Variants in GNAL observed in about 807,000 individuals in gnomAD.
GNAL encodes the protein G protein subunit alpha L.
In GNAL, 18 loss-of-function variants were observed where a neutral mutation model predicts 55.1. The observed-to-expected ratio is 0.33, with a 90% CI of 0.23 to 0.48. The LOEUF is 0.48. GNAL is among the 20% of genes least tolerant of loss of function. GNAL has a pLI of 0.99. For missense variants in GNAL, 412 were observed against 614.1 expected, an observed-to-expected ratio of 0.67 and a Z score of 3.48; for synonymous variants, 253 against 237.0, an observed-to-expected ratio of 1.07 and a Z score of -0.62.
intron 1 of GNAL, among the ~76,000 whole-genome samples, chr18:11,749,681 C>T (rs763693307): frequency 3.9e-5 from 6 of 152,146 alleles, no homozygotes; most frequent in Non-Finnish European, 8.8e-5. Flanking sequence ...GTGAGACCAG[C>T]GGAGAATCTG....
intron 5 of GNAL, among the ~76,000 whole-genome samples, chr18:11,846,394 A>C (rs1307491737): frequency 6.8e-6 from 1 of 147,996 alleles, no homozygotes; most frequent in African/African-American, 2.5e-5. Flanking sequence ...TTTTAAATCG[A>C]CATCATTTTT....
At chr18:11,717,455 G>T (rs933360013) in intron 1 of GNAL, among the ~76,000 whole-genome samples, 1 of 152,228 alleles carries the variant, frequency 6.6e-6, no homozygotes, top group South Asian at 2.1e-4. Context: ...CTGCCAGCAC[G>T]CTGTCACCTC....
intron 5 of GNAL, among the ~76,000 whole-genome samples, chr18:11,844,002 G>C (rs977997447): frequency 6.6e-6 from 1 of 152,084 alleles, no homozygotes; most frequent in Non-Finnish European, 1.5e-5. Context: ...TTATGTTTTG[G>C]CCGAAAAGTT....
At chr18:11,695,429 A>C (rs982589373) in intron 1 of GNAL, among the ~76,000 whole-genome samples, 12 of 152,206 alleles carry the variant, frequency 7.9e-5, no homozygotes, top group African/African-American at 2.9e-4. Flanking sequence ...TTAAAAGCAT[A>C]CTTGATGTGA....
At chr18:11,765,404 C>T (rs1206500290) in intron 4 of GNAL, among the ~76,000 whole-genome samples, 1 of 152,080 alleles carries the variant, frequency 6.6e-6, no homozygotes, top group African/African-American at 2.4e-5. Flanking sequence ...ATTTATCATT[C>T]CTTTGTGTTA....
Position 11,864,387 on chromosome 18 carries a change from T to G in GNAL, c.778-146T>G, listed in dbSNP as rs998125424. Reference sequence around the variant, plus strand: ...GGATTACAGGCGTGAGTCACCATGCTCGGCCAATGTTGGTTCTTAATTGTT... The same window carrying G: ...GGATTACAGGCGTGAGTCACCATGCGCGGCCAATGTTGGTTCTTAATTGTT... On this transcript the variant is annotated intron_variant, in intron 6 of 11. Transcript: ENST00000334049. The G allele has an allele frequency of 1.1e-5, 7 of 654,510 alleles. No homozygotes were observed. In the African/African-American group the frequency reaches 1.1e-4, roughly 10 times the overall value. The allele number at this position is 654,510 out of a possible 1,614,324, so 40.5% of individuals were successfully genotyped here. A position where few individuals can be genotyped will look rare whatever the true frequency, so the allele number is the denominator to read the frequency against.
At chr18:11,735,373 A>G (rs2032438375) in intron 1 of GNAL, among the ~76,000 whole-genome samples, 1 of 152,122 alleles carries the variant, frequency 6.6e-6, no homozygotes, top group South Asian at 2.1e-4. Context: ...GATAAGTGGT[A>G]TTAATAAGTG....
At chr18:11,765,365 G>C (rs902909631) in intron 4 of GNAL, among the ~76,000 whole-genome samples, 2 of 152,214 alleles carry the variant, frequency 1.3e-5, no homozygotes, top group Admixed American at 6.5e-5. Context: ...TATCAAATTA[G>C]AGTAATTGGA....
intron 5 of GNAL, chr18:11,851,315 G>GC: frequency 1.6e-6 from 1 of 618,572 alleles, no homozygotes; most frequent in Non-Finnish European, 2.7e-6. Flanking sequence ...CGTCCCACAG[G>GC]CCCCACCCCG....
At chr18:11,780,559 A>G (rs371076282) in intron 4 of GNAL, among the ~76,000 whole-genome samples, 1 of 152,158 alleles carries the variant, frequency 6.6e-6, no homozygotes, top group East Asian at 1.9e-4. Context: ...CAGTTTTTCA[A>G]ACCTGTTCCA....
intron 4 of GNAL, among the ~76,000 whole-genome samples, chr18:11,768,540 G>A (rs1026439849): frequency 6.6e-6 from 1 of 151,970 alleles, no homozygotes; most frequent in African/African-American, 2.4e-5. Context: ...GGCAGAGGTT[G>A]CGGTGAGCTG....
chr18:11,814,949 T>C (rs1164157296), intron 4 of GNAL, among the ~76,000 whole-genome samples: 5 of 151,806 alleles, frequency 3.3e-5, no homozygotes, highest in Admixed American at 6.6e-5. Flanking sequence ...TAGAAGTGGT[T>C]ACCAGAGGTT....
chr18:11,863,531 CAACT>C (rs1280479220), intron 6 of GNAL, among the ~76,000 whole-genome samples: 1 of 152,198 alleles, frequency 6.6e-6, no homozygotes, highest in African/African-American at 2.4e-5. Context: ...GTCAGTCCCT[CAACT>C]AACTTACCTG....
At chr18:11,825,074 T>C in intron 5 of GNAL, 59 bp downstream of exon 5, 1 of 848,380 alleles carries the variant, frequency 1.2e-6, no homozygotes, top group Non-Finnish European at 2.0e-6. Flanking sequence ...GCATGCATGA[T>C]TATGCTGCCT....
chr18:11,830,626 G>A (rs2035358585), intron 5 of GNAL, among the ~76,000 whole-genome samples: 1 of 152,114 alleles, frequency 6.6e-6, no homozygotes, highest in African/African-American at 2.4e-5. Context: ...ACTCCTAGGT[G>A]TAAACCCAAG....
At chr18:11,701,525 C>T (rs939499177) in intron 1 of GNAL, among the ~76,000 whole-genome samples, 4 of 142,896 alleles carry the variant, frequency 2.8e-5, no homozygotes, top group African/African-American at 7.9e-5. Context: ...AAGAGTGCGT[C>T]GTTCCACTCC....
chr18:11,809,802 TG>T (rs1468620953), intron 4 of GNAL, among the ~76,000 whole-genome samples: 1 of 152,174 alleles, frequency 6.6e-6, no homozygotes, highest in Non-Finnish European at 1.5e-5. Context: ...GTCCAAGAAC[TG>T]GAAGAAGTAT....
chr18:11,752,304 GAA>G lies in GNAL; in HGVS notation c.377-548_377-547del. On this transcript the variant is annotated intron_variant, in intron 1 of 11. Coordinates refer to ENST00000334049, the MANE Select transcript of GNAL (RefSeq NM_182978.4). The surrounding 1 kb of genome is among the most constrained non-coding windows in gnomAD (Gnocchi z 4.5). ...CGCCTGCTCTGAATCGGAAAACACC[GAA>G]GAGACCAGACCATCTCTTTCAGCAG... The G allele has an allele frequency of 6.9e-7, 1 of 1,452,280 alleles. No homozygotes were observed. The highest frequency in any genetic ancestry group is 9.0e-7 in the Non-Finnish European group (1 of 1,106,320). 90.0% of individuals were successfully genotyped at this position (1,452,280 alleles called of 1,614,324 possible). A position where few individuals can be genotyped will look rare whatever the true frequency, so the allele number is the denominator to read the frequency against.
chr18:11,859,131 G>A (rs1279914788), intron 5 of GNAL, among the ~76,000 whole-genome samples: 1 of 152,080 alleles, frequency 6.6e-6, no homozygotes, highest in East Asian at 1.9e-4. Context: ...ATAGCCACAG[G>A]CTTCATATTT....
Sources: allele counts gnomAD v4.1 joint callset (sites outside exome capture counted in the v4.1 genomes callset), GRCh38; gene constraint gnomAD v4.1.1; non-coding constraint Gnocchi (gnomAD v3.1); transcripts MANE v1.5; gene names NCBI Gene and HGNC (gene_info 2026-07-23, HGNC 2026-07-21).